The following MTUS2 variants were observed in gnomAD, a reference collection of about 807,000 sequenced individuals.
The protein encoded by MTUS2 is microtubule associated scaffold protein 2.
Under a neutral mutation model 114.1 loss-of-function variants are expected in MTUS2, and 40 were observed. That is an observed-to-expected ratio of 0.35 (90% CI 0.27 to 0.46). MTUS2 has a LOEUF of 0.46. Ranked by LOEUF, MTUS2 falls within the 20% of genes least tolerant of loss-of-function variation. MTUS2 has a pLI of 1.00. For missense variants in MTUS2, 1,679 were observed against 1,705.4 expected, an observed-to-expected ratio of 0.98 and a Z score of 0.27; for synonymous variants, 688 against 672.0, an observed-to-expected ratio of 1.02 and a Z score of -0.37.
At chr13:28,981,036 A>AGAATGGAATTAAATTT (rs1884334957) in intron 2 of MTUS2, among the ~76,000 whole-genome samples, 1 of 152,236 alleles carries the variant, frequency 6.6e-6, no homozygotes, top group South Asian at 2.1e-4. Context: ...TTCTCAGGAG[A>AGAATGGAATTAAATTT]CCTTGAATGG....
chr13:28,978,210 G>C (rs879467371), intron 2 of MTUS2, among the ~76,000 whole-genome samples: 1 of 152,200 alleles, frequency 6.6e-6, no homozygotes, highest in Non-Finnish European at 1.5e-5. Context: ...AAATAGGCAA[G>C]TGTCTCAACT....
At chr13:29,400,785 CT>C (rs1874270423) in intron 8 of MTUS2, among the ~76,000 whole-genome samples, 1 of 152,156 alleles carries the variant, frequency 6.6e-6, no homozygotes, top group African/African-American at 2.4e-5. Flanking sequence ...CATTTTTCCC[CT>C]AATCATTAGA....
At chr13:29,279,954 A>G (rs192989098) in intron 5 of MTUS2, among the ~76,000 whole-genome samples, 2 of 152,382 alleles carry the variant, frequency 1.3e-5, no homozygotes, top group Admixed American at 1.3e-4. Context: ...CGCTCAATTC[A>G]GCTTCTGCTA....
chr13:29,475,774 A>C (rs1880655407), intron 9 of MTUS2, among the ~76,000 whole-genome samples: 1 of 152,262 alleles, frequency 6.6e-6, no homozygotes, highest in Admixed American at 6.5e-5. Flanking sequence ...GTTATTACAA[A>C]AGAGTCAAAA....
At chr13:28,953,234 C>T (rs376715977) in intron 2 of MTUS2, among the ~76,000 whole-genome samples, 4 of 151,094 alleles carry the variant, frequency 2.6e-5, no homozygotes, top group Non-Finnish European at 4.4e-5. Flanking sequence ...CTAGGCTGGG[C>T]GCAGTGTCTC....
chr13:29,324,507 T>C, intron 6 of MTUS2, 106 bp from the exon 7 acceptor site: 2 of 732,770 alleles, frequency 2.7e-6, no homozygotes, highest in South Asian at 3.5e-5. Flanking sequence ...ATTTCTTTTG[T>C]TGATATGTTT....
intron 4 of MTUS2, among the ~76,000 whole-genome samples, chr13:29,087,451 C>A (rs1454890055): frequency 6.6e-6 from 1 of 152,138 alleles, no homozygotes; most frequent in South Asian, 2.1e-4. Flanking sequence ...AGAATAAAGC[C>A]TACTTGATTG....
intron 9 of MTUS2, among the ~76,000 whole-genome samples, chr13:29,472,282 A>G (rs1347609884): frequency 1.3e-5 from 2 of 152,140 alleles, no homozygotes; most frequent in African/African-American, 4.8e-5. Flanking sequence ...TCAGCCTCCC[A>G]AAGTGCTGGG....
chr13:28,898,379 G>T (rs1433418072), intron 2 of MTUS2, among the ~76,000 whole-genome samples: 1 of 152,158 alleles, frequency 6.6e-6, no homozygotes, highest in Non-Finnish European at 1.5e-5. Flanking sequence ...TCTTGTCTCA[G>T]CTTCACCATA....
chr13:28,966,539 A>C (rs1316302063), intron 2 of MTUS2, among the ~76,000 whole-genome samples: 1 of 151,980 alleles, frequency 6.6e-6, no homozygotes, highest in African/African-American at 2.4e-5. Context: ...TATGGGCAAC[A>C]TAGTGAGAAC....
chr13:29,503,268 CACCG>C lies in MTUS2; in HGVS notation c.*66_*69del. On this transcript the variant is annotated 3_prime_UTR_variant, in exon 16 of 16. Transcript: ENST00000612955. ...TCCTCCGGTCTCCACCCTGAGGGAGCACCGACCCGGTGCCGCCGGAGCTGGCCCT... is the reference window on the plus strand; with the variant it reads ...TCCTCCGGTCTCCACCCTGAGGGAGCACCCGGTGCCGCCGGAGCTGGCCCT... The C allele has an allele frequency of 6.3e-7, 1 of 1,577,560 alleles. No individual in the cohort carries two copies. The highest frequency in any genetic ancestry group is 1.3e-5 in the African/African-American group (1 of 74,240).
At chr13:29,415,702 G>A (rs148040773) in intron 8 of MTUS2, among the ~76,000 whole-genome samples, 2,722 of 152,042 alleles carry the variant, frequency 0.018, 74 homozygotes, top group African/African-American at 0.062. Flanking sequence ...AGATTTATTG[G>A]TATAGCTGAT....
chr13:29,455,234 G>A (rs1879020402), intron 9 of MTUS2, among the ~76,000 whole-genome samples: 2 of 152,176 alleles, frequency 1.3e-5, no homozygotes, highest in Admixed American at 1.3e-4. Flanking sequence ...GATTACATGG[G>A]GGGTTTCCCG....
chr13:29,451,539 TA>T (rs1418722592), intron 9 of MTUS2, among the ~76,000 whole-genome samples: 2 of 151,658 alleles, frequency 1.3e-5, no homozygotes, highest in Non-Finnish European at 2.9e-5. Flanking sequence ...AGGTGAGGAG[TA>T]TTATTTGAAA....
chr13:29,423,798 C>T (rs147831778), intron 8 of MTUS2, among the ~76,000 whole-genome samples: 1 of 151,624 alleles, frequency 6.6e-6, no homozygotes, highest in East Asian at 1.9e-4. Flanking sequence ...GTTGTACAAA[C>T]ATATAGTTAG....
intron 2 of MTUS2, among the ~76,000 whole-genome samples, chr13:28,966,652 G>A (rs1883596653): frequency 6.8e-6 from 1 of 147,814 alleles, no homozygotes. Context: ...TTGAACCTAG[G>A]AGGTCCATGC....
intron 5 of MTUS2, among the ~76,000 whole-genome samples, chr13:29,257,847 T>C (rs911878106): frequency 6.6e-6 from 1 of 152,172 alleles, no homozygotes; most frequent in Non-Finnish European, 1.5e-5. Flanking sequence ...CATATAGTAG[T>C]GGATCCATGT....
At chr13:28,933,118 A>AACACACACACACACACAC (rs59162969) in intron 2 of MTUS2, among the ~76,000 whole-genome samples, 1 of 145,218 alleles carries the variant, frequency 6.9e-6, no homozygotes, top group Non-Finnish European at 1.5e-5. Flanking sequence ...GGAGAATCAG[A>AACACACACACACACACAC]ACACACACAC....
At chr13:29,341,660 A>T (rs1901408137) in intron 7 of MTUS2, among the ~76,000 whole-genome samples, 1 of 152,042 alleles carries the variant, frequency 6.6e-6, no homozygotes, top group South Asian at 2.1e-4. Context: ...AGTCCCAGCT[A>T]TTTATCTCTC....
Sources: allele counts gnomAD v4.1 joint callset (sites outside exome capture counted in the v4.1 genomes callset), GRCh38; gene constraint gnomAD v4.1.1; transcripts MANE v1.5; gene names NCBI Gene and HGNC (gene_info 2026-07-23, HGNC 2026-07-21).